The following POLK variants were observed in gnomAD, a reference collection of about 807,000 sequenced individuals.
POLK encodes polymerase (DNA directed) kappa.
POLK carries 76 observed loss-of-function variants against 94.0 expected under a neutral mutation model. That is an observed-to-expected ratio of 0.81 (90% CI 0.67 to 0.98). The LOEUF is 0.98. POLK is among the 50% of genes least tolerant of loss of function. POLK has a pLI of 0.00. For synonymous variants in POLK, 349 were observed against 325.4 expected (o/e 1.07, Z -0.78); for missense variants, 954 against 1,010.1 (o/e 0.94, Z 0.75).
At chr5:75,591,372 TTCTC>T (rs772484703) in intron 11 of POLK, among the ~76,000 whole-genome samples, 20 of 152,186 alleles carry the variant, frequency 1.3e-4, no homozygotes, top group East Asian at 1.9e-4. Context: ...ATGAGTATCT[TTCTC>T]TATCATACCT....
downstream of POLK, among the ~76,000 whole-genome samples, chr5:75,601,951 ATT>A (rs748481440): frequency 2.4e-4 from 37 of 152,216 alleles, no homozygotes; most frequent in Middle Eastern, 3.4e-3. Context: ...AGTCTGTGGT[ATT>A]TGTGTCCCCA....
chr5:75,596,557 C>T lies in POLK; in HGVS notation c.1864C>T (p.Leu622Phe), dbSNP rs1174277272. ...AGAGAATTCAGATGACTGTCAGATA[C>T]TTACCTGTCCTGTTTGCTTTAGGGC... Residue 622 changes from leucine to phenylalanine, a missense_variant, in exon 13 of 15, where the codon CTT becomes TTT. Coordinates refer to ENST00000241436, the Ensembl canonical transcript of POLK. 5 of 1,613,724 alleles carry T rather than the reference C, an allele frequency of 3.1e-6. No individual in the cohort carries two copies. In the East Asian group the frequency reaches 8.9e-5, roughly 29 times the overall value.
At chr5:75,578,070 C>T (rs560378255) in intron 6 of POLK, among the ~76,000 whole-genome samples, 42 of 152,252 alleles carry the variant, frequency 2.8e-4, no homozygotes, top group Admixed American at 1.5e-3. Context: ...CAAAGCATCC[C>T]CTGAGGGCCT....
chr5:75,522,240 A>G (rs1768622392), intron 1 of POLK, among the ~76,000 whole-genome samples: 1 of 152,194 alleles, frequency 6.6e-6, no homozygotes. Context: ...GAAATTTTCC[A>G]CATACTTGGT....
chr5:75,538,991 C>T (rs1238320440), intron 1 of POLK, among the ~76,000 whole-genome samples: 1 of 152,074 alleles, frequency 6.6e-6, no homozygotes, highest in African/African-American at 2.4e-5. Flanking sequence ...AGGCTGGTCT[C>T]AAACTTCTGA....
chr5:75,608,431 G>A, the POLK span, among the ~76,000 whole-genome samples: 1 of 152,168 alleles, frequency 6.6e-6, no homozygotes, highest in Non-Finnish European at 1.5e-5. Flanking sequence ...CTGGCCTCAA[G>A]CCATCCTCCC....
upstream of POLK, chr5:75,511,439 G>C: frequency 2.0e-6 from 3 of 1,536,390 alleles, no homozygotes; most frequent in Non-Finnish European, 2.6e-6. Flanking sequence ...CCTTCCAGCC[G>C]TCAGCCGCCG....
chr5:75,563,038 C>T (rs992510051), intron 3 of POLK, among the ~76,000 whole-genome samples: 3 of 152,052 alleles, frequency 2.0e-5, no homozygotes, highest in Admixed American at 1.3e-4. Flanking sequence ...AATGAGTTAG[C>T]GGGGAGTCCC....
chr5:75,582,568 C>CT (rs1160435160), intron 7 of POLK: 21 of 152,080 alleles, frequency 1.4e-4, no homozygotes, highest in African/African-American at 5.1e-4. Flanking sequence ...TGTGGATAAT[C>CT]TACGCAAAAG....
intron 1 of POLK, among the ~76,000 whole-genome samples, chr5:75,522,014 T>C (rs1768610692): frequency 6.6e-6 from 1 of 152,234 alleles, no homozygotes; most frequent in South Asian, 2.1e-4. Context: ...CTCCTTTGAC[T>C]AAGTTAAAGA....
At chr5:75,515,569 G>A (rs931792941) in intron 1 of POLK, among the ~76,000 whole-genome samples, 7 of 152,102 alleles carry the variant, frequency 4.6e-5, no homozygotes, top group South Asian at 2.1e-4. Flanking sequence ...TGTAATAAAC[G>A]TGTGAGTGCA....
intron 1 of POLK, among the ~76,000 whole-genome samples, chr5:75,517,518 T>C (rs1414846440): frequency 1.3e-5 from 2 of 152,256 alleles, no homozygotes; most frequent in African/African-American, 4.8e-5. Flanking sequence ...TGAATTTGTT[T>C]ATCAGTTCTT....
chr5:75,557,897 C>A (rs1770721146), intron 3 of POLK, among the ~76,000 whole-genome samples: 2 of 152,150 alleles, frequency 1.3e-5, no homozygotes, highest in South Asian at 4.1e-4. Context: ...TCAAGCAATT[C>A]TCCTGCCTCC....
intron 1 of POLK, among the ~76,000 whole-genome samples, chr5:75,522,590 A>G (rs1350979419): frequency 6.6e-6 from 1 of 152,190 alleles, no homozygotes; most frequent in Non-Finnish European, 1.5e-5. Flanking sequence ...AAACATTTTG[A>G]AAGCTGAAGT....
intron 11 of POLK, among the ~76,000 whole-genome samples, chr5:75,592,198 CTAAG>C (rs1772826210): frequency 2.0e-5 from 3 of 152,192 alleles, no homozygotes; most frequent in Admixed American, 6.5e-5. Context: ...TCATAAAACA[CTAAG>C]TGTAAAGGGA....
At chr5:75,539,988 A>C (rs1580966142) in intron 1 of POLK, among the ~76,000 whole-genome samples, 1 of 152,058 alleles carries the variant, frequency 6.6e-6, no homozygotes, top group African/African-American at 2.4e-5. Flanking sequence ...GGAGTTTTAA[A>C]CCCCTGCCAT....
intron 2 of POLK, among the ~76,000 whole-genome samples, chr5:75,549,833 C>T (rs1770247038): frequency 6.6e-6 from 1 of 151,924 alleles, no homozygotes; most frequent in African/African-American, 2.4e-5. Context: ...TCTATCTTAC[C>T]CTTCCCCTAC....
intron 7 of POLK, chr5:75,582,099 A>G (rs1772224220): frequency 2.0e-6 from 2 of 986,586 alleles, no homozygotes; most frequent in African/African-American, 1.7e-5. Flanking sequence ...ATTACATTGC[A>G]GGAGAGAACC....
chr5:75,545,714 G>C (rs1035824828), intron 1 of POLK, among the ~76,000 whole-genome samples: 3 of 151,876 alleles, frequency 2.0e-5, no homozygotes, highest in Non-Finnish European at 4.4e-5. Flanking sequence ...GCATACAGTA[G>C]ATAATAAATG....
Sources: gnomAD v4.1 joint callset for allele counts (sites outside exome capture counted in the v4.1 genomes callset) on GRCh38, gnomAD v4.1.1 for gene constraint, MANE v1.5 for transcripts, NCBI Gene and HGNC (gene_info 2026-07-23, HGNC 2026-07-21) for gene names.